TUBGCP2: variants seen among roughly 807,000 people sequenced by gnomAD.
TUBGCP2 encodes the protein gamma-tubulin complex component 2.
TUBGCP2 carries 55 observed loss-of-function variants against 92.2 expected under a neutral mutation model. That is an observed-to-expected ratio of 0.60 (90% CI 0.48 to 0.75). The LOEUF (loss-of-function observed/expected upper bound fraction) is 0.75. Among genes scored for constraint, TUBGCP2 ranks in the 30% least tolerant of loss-of-function variants. The pLI is 0.00. For missense variants in TUBGCP2, 1,093 were observed against 1,188.9 expected (o/e 0.92, Z 1.19); for synonymous variants, 533 against 505.2 (o/e 1.06, Z -0.74).
intron 2 of TUBGCP2, 28 bp downstream of exon 2, chr10:133,302,764 A>C (rs372913890): frequency 6.2e-7 from 1 of 1,611,536 alleles, no homozygotes; most frequent in African/African-American, 1.3e-5. Flanking sequence ...CTCACCCTGC[A>C]CAGCGCTACA....
intron 8 of TUBGCP2, chr10:133,291,160 C>T (rs911689870): frequency 4.8e-5 from 18 of 378,216 alleles, no homozygotes; most frequent in Non-Finnish European, 7.4e-5. Flanking sequence ...GGGCAGCAGG[C>T]GGACATCTGC....
chr10:133,280,908 G>A (rs1246402671), intron 17 of TUBGCP2, among the ~76,000 whole-genome samples: 2 of 151,844 alleles, frequency 1.3e-5, no homozygotes, highest in Non-Finnish European at 1.5e-5. Flanking sequence ...AGGGGCAGGC[G>A]CTGGGCTGAG....
Position 133,289,886 on chromosome 10 carries a change from G to C in TUBGCP2, c.1298C>G (p.Thr433Ser). 1.9e-6 allele frequency: 3 copies of C among 1,614,256 alleles called. No individual in the cohort carries two copies. Among genetic ancestry groups the C allele is most frequent in the Non-Finnish European group, 2.5e-6 (3 of 1,180,052 alleles). Reference sequence around the variant, plus strand: ...GGACGGGATCTGCTGCTGGACGATGGTGTACCGCTGGTCCCAGTACTTGTC... The same window carrying C: ...GGACGGGATCTGCTGCTGGACGATGCTGTACCGCTGGTCCCAGTACTTGTC... ...YNDKYWDQRY[T>S]IVQQQIPSFL... The change falls in exon 9 of 18, where the codon ACC becomes AGC. Residue 433 changes from threonine (T) to serine (S), a missense_variant. This residue lies in a region of TUBGCP2 where 598 missense variants were observed against 675.5 expected (regional missense o/e 0.89). Coordinates refer to ENST00000252936, the MANE Select transcript of TUBGCP2 (RefSeq NM_006659.4).
rs142666060 is a variant in TUBGCP2 at position 133,283,053 on chromosome 10, G to A, written c.2289+25C>T. 5.9e-4 allele frequency: 957 copies of A among 1,612,144 alleles called. 6 individuals are homozygous for A. In the African/African-American group the frequency reaches 0.011, roughly 19 times the overall value. ...TCTGCCCACCCGCGCCTGCCCACCC[G>A]ATGGTGCTACCCACACCCACGCACC... On this transcript the variant is annotated intron_variant, in intron 15 of 17. Transcript: ENST00000252936.
chr10:133,279,688 A>T lies in TUBGCP2; in HGVS notation c.*78T>A. On this transcript the variant is annotated 3_prime_UTR_variant, in exon 18 of 18. Coordinates refer to ENST00000252936, the MANE Select transcript of TUBGCP2 (RefSeq NM_006659.4). ...AAACTGCAAAGACAGAACACAGAGC[A>T]TTCGATTTGAAAATTCTGGACCCAT... 2.7e-6 allele frequency: 4 copies of T among 1,465,632 alleles called. No homozygotes were observed. Among genetic ancestry groups the T allele is most frequent in the African/African-American group, 1.4e-5 (1 of 69,292 alleles). 90.8% of individuals were successfully genotyped at this position (1,465,632 alleles called of 1,614,324 possible).
In TUBGCP2 at chr10:133,285,368, G is replaced by T; in HGVS notation, c.1895+88C>A. ...GGGAGAGCCGCCTTGGGTCCTCTGT[G>T]GGACGAGGTGGCCACCGCGTGGCAC... On this transcript the variant is annotated intron_variant, in intron 12 of 17. Transcript: ENST00000252936. The surrounding 1 kb of genome is among the most constrained non-coding windows in gnomAD (Gnocchi z 6.8). 1 of 1,597,076 alleles carries T rather than the reference G, an allele frequency of 6.3e-7. No homozygotes were observed.
intron 11 of TUBGCP2, among the ~76,000 whole-genome samples, chr10:133,287,823 C>A (rs1847169976): frequency 6.6e-6 from 1 of 152,130 alleles, no homozygotes; most frequent in Non-Finnish European, 1.5e-5. Context: ...TTTCAAAAGA[C>A]CTGAAACCCT....
At position 133,282,304 on chromosome 10, in the gene TUBGCP2, G is replaced by A. The variant is rs1045356410; in HGVS notation, c.2328C>T (p.Gly776=). The change falls in exon 16 of 18, where the codon GGC becomes GGT. Residue 776 remains glycine, a synonymous_variant. Coordinates refer to ENST00000252936, the MANE Select transcript of TUBGCP2 (RefSeq NM_006659.4). Reference sequence around the variant, plus strand: ...CGGTGCTGTGCTCCAGCGTCTGCCCGCCCAGCTCGCCATCTAATTTCATGC... The same window carrying A: ...CGGTGCTGTGCTCCAGCGTCTGCCCACCCAGCTCGCCATCTAATTTCATGC... ...TQSMKLDGEL[G]GQTLEHSTVL... is the part of the protein sequence containing the mutation. The A allele has an allele frequency of 5.6e-6, 9 of 1,605,590 alleles. No homozygotes were observed. The highest frequency in any genetic ancestry group is 1.7e-4 in the Middle Eastern group (1 of 6,028).
At position 133,288,900 on chromosome 10, in the gene TUBGCP2, T is replaced by C; in HGVS notation, c.1481A>G (p.Tyr494Cys). The C allele has an allele frequency of 6.2e-7, 1 of 1,614,168 alleles. No individual in the cohort carries two copies. ...GAAGTCCAGCAGCACCTTGCTGGCG[T>C]AGTTAAACGCCTTCTCGATCTGCTC... ...YVEQIEKAFNYASKVLLDFLM... is the reference protein window; with the variant it reads ...YVEQIEKAFNCASKVLLDFLM... The change falls in exon 10 of 18, where the codon TAC becomes TGC. Residue 494 changes from tyrosine (Y) to cysteine (C), a missense_variant. Tyr to Cys is a radical substitution (Grantham distance 194). Coordinates refer to ENST00000252936, the MANE Select transcript of TUBGCP2 (RefSeq NM_006659.4).
At chr10:133,283,785 C>T in intron 14 of TUBGCP2, 97 bp downstream of exon 14, 3 of 1,556,060 alleles carry the variant, frequency 1.9e-6, no homozygotes, top group Non-Finnish European at 2.6e-6. Flanking sequence ...TCCTGCACTC[C>T]CTGCCTCTCC....
chr10:133,292,924 C>CGCCCCTGCCCTGGGCAGCTGCTCCACG, intron 7 of TUBGCP2, 115 bp downstream of exon 7: 1 of 1,261,694 alleles, frequency 7.9e-7, no homozygotes, highest in Non-Finnish European at 1.1e-6. Flanking sequence ...TTTGGCCACA[C>CGCCCCTGCCCTGGGCAGCTGCTCCACG]GCCCCTGCCC....
chr10:133,284,113 C>G lies in TUBGCP2; in HGVS notation c.2025-111G>C, dbSNP rs1025471830. Reference sequence around the variant, plus strand: ...CATGGAGGACGTTCTCTGGACGTGGCTATTTCCTCTGCAGAGCAAGCGCCC... The same window carrying G: ...CATGGAGGACGTTCTCTGGACGTGGGTATTTCCTCTGCAGAGCAAGCGCCC... On this transcript the variant is annotated intron_variant, in intron 13 of 17. Transcript: ENST00000252936. 9.6e-5 allele frequency: 144 copies of G among 1,499,468 alleles called. 4 individuals are homozygous for G. In the Admixed American group the frequency reaches 2.1e-3, roughly 22 times the overall value. The allele number at this position is 1,499,468 out of a possible 1,614,324, so 92.9% of individuals were successfully genotyped here. A position where few individuals can be genotyped will look rare whatever the true frequency, so the allele number is the denominator to read the frequency against.
At chr10:133,307,055 G>A (rs1342412529) in intron 1 of TUBGCP2, among the ~76,000 whole-genome samples, 2 of 152,196 alleles carry the variant, frequency 1.3e-5, no homozygotes, top group Non-Finnish European at 2.9e-5. Flanking sequence ...GCAAGGGCGG[G>A]GGATGCTAAT....
intron 1 of TUBGCP2, among the ~76,000 whole-genome samples, chr10:133,306,245 T>C (rs1847815703): frequency 6.6e-6 from 1 of 152,188 alleles, no homozygotes; most frequent in South Asian, 2.1e-4. Flanking sequence ...TGCAAACTAC[T>C]TGTGAAGCAG....
In TUBGCP2 at chr10:133,285,589, G is replaced by T; in HGVS notation, c.1762C>A (p.Arg588Ser). Residue 588 changes from arginine to serine, a missense_variant, in exon 12 of 18, where the codon CGC (arginine) becomes AGC (serine). This residue lies in a region of TUBGCP2 where 598 missense variants were observed against 675.5 expected (regional missense o/e 0.89). Transcript: ENST00000252936. The surrounding 1 kb of genome is among the most constrained non-coding windows in gnomAD (Gnocchi z 6.8). ...TGCTTGGTCTCGATGGCCAGGACGCGCAAGAGCTGAGTGATGAGGTCATGG... is the reference window on the plus strand; with the variant it reads ...TGCTTGGTCTCGATGGCCAGGACGCTCAAGAGCTGAGTGATGAGGTCATGG... ...MPHDLITQLL[R>S]VLAIETKQEK... 6.5e-7 allele frequency: 1 copy of T among 1,544,430 alleles called. No homozygotes were observed. Among genetic ancestry groups the T allele is most frequent in the African/African-American group, 1.4e-5 (1 of 72,966 alleles).
chr10:133,301,520 A>G (rs755917197), intron 2 of TUBGCP2, among the ~76,000 whole-genome samples: 5 of 152,144 alleles, frequency 3.3e-5, no homozygotes, highest in Non-Finnish European at 5.9e-5. Flanking sequence ...TAATTTGCCT[A>G]ATTATCCTTG....
At chr10:133,311,622 G>A (rs751497119), upstream of TUBGCP2, 269 of 1,101,100 alleles carry the variant, frequency 2.4e-4, 1 homozygote, top group Non-Finnish European at 3.2e-4. Flanking sequence ...CTACTTACAG[G>A]GAAATCCAGT....
chr10:133,286,855 G>T lies in TUBGCP2; in HGVS notation c.1723-1227C>A, dbSNP rs564334026. Among the ~76,000 whole-genome samples the T allele has an allele frequency of 5.4e-4, 82 of 152,262 alleles. 1 individual carries two copies. The Middle Eastern group carries it at 0.01, about 19-fold the overall frequency. On this transcript the variant is annotated intron_variant, in intron 11 of 17. Coordinates refer to ENST00000252936, the MANE Select transcript of TUBGCP2 (RefSeq NM_006659.4). ...ACAAACAGAAATTATGACGCTAGGG[G>T]ATCAGCGAAGGCTGCACTCGGAGGG...
chr10:133,300,091 C>A lies in TUBGCP2; in HGVS notation c.173G>T (p.Arg58Leu). The A allele has an allele frequency of 1.2e-6, 2 of 1,613,510 alleles. No homozygotes were observed. Among genetic ancestry groups the A allele is most frequent in the Non-Finnish European group, 1.7e-6 (2 of 1,179,756 alleles). The change falls in exon 3 of 18, where the codon CGT (arginine) becomes CTT (leucine). Residue 58 changes from arginine (R) to leucine (L), a missense_variant. Transcript: ENST00000252936. Reference sequence around the variant, plus strand: ...TTTCTTTAGAAAGTCTTCTGGAGTACGAGAAAACTCTGCAATTTTAACCTC... The same window carrying A: ...TTTCTTTAGAAAGTCTTCTGGAGTAAGAGAAAACTCTGCAATTTTAACCTC... ...SAKVKIAEFS[R>L]TPEDFLKKYD... is the part of the protein sequence containing the mutation.
Sources: allele counts gnomAD v4.1 joint callset (sites outside exome capture counted in the v4.1 genomes callset), GRCh38; gene constraint gnomAD v4.1.1; regional missense constraint gnomAD v4.1.1; non-coding constraint Gnocchi (gnomAD v3.1); transcripts MANE v1.5; gene names NCBI Gene and HGNC (gene_info 2026-07-23, HGNC 2026-07-21).